Variants in TBC1D17 observed in about 807,000 individuals in gnomAD.
TBC1D17 encodes the protein TBC1 domain family member 17.
TBC1D17 carries 69 observed loss-of-function variants against 78.8 expected under a neutral mutation model. The ratio of observed to expected loss-of-function variants is 0.88; its 90% CI spans 0.72 to 1.07. TBC1D17 has a LOEUF of 1.07. Among genes scored for constraint, TBC1D17 ranks in the 50% least tolerant of loss-of-function variants. The probability of loss-of-function intolerance (pLI) is 0.00; values close to 1 mark genes in which losing one functional copy is unlikely to be tolerated. For missense variants in TBC1D17, 957 were observed against 861.0 expected (o/e 1.11, Z -1.39); for synonymous variants, 456 against 358.3 (o/e 1.27, Z -3.08).
In TBC1D17 at chr19:49,882,788, G is replaced by T; in HGVS notation, c.823G>T (p.Val275Leu). ...SCVELGPRPT[V>L]ERGPPVTEEE... ...GGTGGAGCTGGGGCCTCGGCCAACCGTGGAGCGGGGCCCTCCAGTTACAGA... is the reference window on the plus strand; with the variant it reads ...GGTGGAGCTGGGGCCTCGGCCAACCTTGGAGCGGGGCCCTCCAGTTACAGA... Residue 275 changes from valine (V) to leucine (L), a missense_variant, in exon 8 of 17, where the codon GTG (valine) becomes TTG (leucine). By Grantham distance (32) the Val-to-Leu change is conservative. Transcript: ENST00000221543. 6.3e-7 allele frequency: 1 copy of T among 1,592,400 alleles called. No homozygotes were observed. The highest frequency in any genetic ancestry group is 8.6e-7 in the Non-Finnish European group (1 of 1,169,496).
In TBC1D17 at chr19:49,887,516, G is replaced by A. The variant is rs1011262262; in HGVS notation, c.1485G>A (p.Trp495Ter). ...GCTCTCTCTGCTTCTGTTTCCGGTGGCTGCTCATCTGGTTCAAGAGGGAAT... is the reference window on the plus strand; with the variant it reads ...GCTCTCTCTGCTTCTGTTTCCGGTGACTGCTCATCTGGTTCAAGAGGGAAT... ...DSGSLCFCFR[W>*]LLIWFKREFP... The change falls in exon 14 of 17, where the codon TGG becomes TGA. Residue 495 changes from tryptophan to a stop codon, truncating the protein, a stop_gained. Coordinates refer to ENST00000221543, the MANE Select transcript of TBC1D17 (RefSeq NM_024682.3). LOFTEE classifies it high-confidence loss of function. The A allele has an allele frequency of 1.2e-6, 2 of 1,614,076 alleles. No individual in the cohort carries two copies. Among genetic ancestry groups the A allele is most frequent in the African/African-American group, 2.7e-5 (2 of 74,956 alleles).
At chr19:49,881,527 C>T (rs1420077928) in intron 5 of TBC1D17, 52 bp downstream of exon 5, 7 of 1,553,814 alleles carry the variant, frequency 4.5e-6, no homozygotes, top group Non-Finnish European at 6.1e-6. Context: ...CCCACCATGG[C>T]TGCAGCGTGA....
chr19:49,884,755 CTGGG>C lies in TBC1D17; in HGVS notation c.1443_1444+2del, dbSNP rs1346532393. 1.1e-5 allele frequency: 17 copies of C among 1,613,634 alleles called. No homozygotes were observed. Among genetic ancestry groups the C allele is most frequent in the Non-Finnish European group, 1.4e-5 (17 of 1,179,952 alleles). On this transcript the variant is annotated splice_donor_variant and coding_sequence_variant, in exon 13 of 17. Transcript: ENST00000221543. LOFTEE classifies it high-confidence loss of function. ...GCTGGACCCCCTGCTCTGCGACTTC[CTGGG>C]TATGTCTCTCGGGAGGGTGGGCAGG...
intron 3 of TBC1D17, chr19:49,879,207 G>T (rs141100313): frequency 1.3e-5 from 2 of 152,550 alleles, no homozygotes; most frequent in East Asian, 3.9e-4. Flanking sequence ...AGGACAAGAA[G>T]GTATTTCAGG....
intron 4 of TBC1D17, 23 bp downstream of exon 4, chr19:49,880,425 G>A: frequency 6.2e-7 from 1 of 1,611,700 alleles, no homozygotes; most frequent in Non-Finnish European, 8.5e-7. Context: ...GGCGGCCCTT[G>A]AGAAGCACGT....
chr19:49,878,308 G>A, intron 2 of TBC1D17, 67 bp downstream of exon 2: 3 of 1,451,690 alleles, frequency 2.1e-6, no homozygotes, highest in Admixed American at 2.0e-5. Context: ...GGATGCAGGC[G>A]GCAGCTGTAG....
At chr19:49,887,599 G>A (rs1383356213) in intron 14 of TBC1D17, 26 bp downstream of exon 14, 1 of 1,613,152 alleles carries the variant, frequency 6.2e-7, no homozygotes. Flanking sequence ...TGGGCGAGAG[G>A]CCTGAAGGGG....
chr19:49,881,597 AC>A, intron 5 of TBC1D17, 122 bp downstream of exon 5: 1 of 960,710 alleles, frequency 1.0e-6, no homozygotes, highest in Non-Finnish European at 1.5e-6. Flanking sequence ...CAAAGAGTTG[AC>A]CAGCACATAT....
At position 49,888,613 on chromosome 19, in the gene TBC1D17, G is replaced by A. The variant is rs1295942781; in HGVS notation, c.1936G>A (p.Ala646Thr). ...CCTGCCCGAGGAGGAGGACGAGGGC[G>A]CCGACTCCTAACCCCGCCAGGCAGC... ...EILPEEEDEGADS is the reference protein window; with the variant it reads ...EILPEEEDEGTDS The change falls in exon 17 of 17, where the codon GCC (alanine) becomes ACC (threonine). Residue 646 changes from alanine (A) to threonine (T), a missense_variant. Coordinates refer to ENST00000221543, the MANE Select transcript of TBC1D17 (RefSeq NM_024682.3). The A allele has an allele frequency of 1.3e-6, 2 of 1,535,020 alleles. No individual in the cohort carries two copies. The highest frequency in any genetic ancestry group is 2.5e-5 in the East Asian group (1 of 40,806).
At chr19:49,882,596 C>T (rs1600448294) in intron 7 of TBC1D17, among the ~76,000 whole-genome samples, 168 bp from the exon 8 acceptor site, 1 of 152,348 alleles carries the variant, frequency 6.6e-6, no homozygotes, top group Non-Finnish European at 1.5e-5. Context: ...GGGGACCCCT[C>T]CTAACTGGGG....
intron 4 of TBC1D17, 33 bp downstream of exon 4, chr19:49,880,435 T>A (rs777788461): frequency 1.2e-6 from 2 of 1,610,402 alleles, no homozygotes; most frequent in East Asian, 4.5e-5. Flanking sequence ...GAGAAGCACG[T>A]GTGGGCCAGG....
chr19:49,888,393 G>A (rs1568679903), intron 16 of TBC1D17, 31 bp from the exon 17 acceptor site: 3 of 1,291,030 alleles, frequency 2.3e-6, no homozygotes, highest in South Asian at 2.4e-5. Context: ...TTCACCTTCC[G>A]CTTTTCGCTT....
Position 49,887,843 on chromosome 19 carries a change from C to T in TBC1D17, c.1659+9C>T. The T allele has an allele frequency of 1.3e-6, 2 of 1,598,320 alleles. No individual in the cohort carries two copies. Among genetic ancestry groups the T allele is most frequent in the East Asian group, 2.2e-5 (1 of 44,546 alleles). On this transcript the variant is annotated intron_variant, in intron 15 of 16. Coordinates refer to ENST00000221543, the MANE Select transcript of TBC1D17 (RefSeq NM_024682.3). ...CCAATGAGATCCTCAAGGTGAGGCTCCGGCCCCGCCCCCGCCCTGTCCCCC... is the reference window on the plus strand; with the variant it reads ...CCAATGAGATCCTCAAGGTGAGGCTTCGGCCCCGCCCCCGCCCTGTCCCCC...
chr19:49,886,270 A>G (rs1362966245), intron 13 of TBC1D17, among the ~76,000 whole-genome samples: 1 of 152,206 alleles, frequency 6.6e-6, no homozygotes, highest in East Asian at 1.9e-4. Flanking sequence ...AAAAGAAAAA[A>G]GAAAGTTAAA....
Position 49,879,879 on chromosome 19 carries a change from AATTTG to A in TBC1D17, c.196-399_196-395del, listed in dbSNP as rs1339604834. ...TTTTTTTTTTTTTTTAATGAGACAGAATTTGCTCTTGTTGCCCAGGCTGGAGTGCA... is the reference window on the plus strand; with the variant it reads ...TTTTTTTTTTTTTTTAATGAGACAGACTCTTGTTGCCCAGGCTGGAGTGCA... On this transcript the variant is annotated intron_variant, in intron 3 of 16. Coordinates refer to ENST00000221543, the MANE Select transcript of TBC1D17 (RefSeq NM_024682.3). Among the ~76,000 whole-genome samples the A allele has an allele frequency of 2.8e-5, 4 of 145,160 alleles. No individual in the cohort carries two copies. The East Asian group carries it at 8.0e-4, about 29-fold the overall frequency.
At position 49,877,748 on chromosome 19, in the gene TBC1D17, A is replaced by G. The variant is rs892462860; in HGVS notation, c.21+4A>G. 1.9e-6 allele frequency: 3 copies of G among 1,593,726 alleles called. No homozygotes were observed. Among genetic ancestry groups the G allele is most frequent in the Middle Eastern group, 1.7e-4 (1 of 6,024 alleles). On this transcript the variant is annotated splice_donor_region_variant and intron_variant, in intron 1 of 16. Transcript: ENST00000221543. The stretch of plus-strand genomic sequence containing the variant: ...TATGGAAGGAGCCGGCTACAGGGTA[A>G]GCACTGAGGACGCATTCCCTCGCTT...
chr19:49,883,332 G>T (rs566980457), intron 9 of TBC1D17, among the ~76,000 whole-genome samples: 1 of 152,160 alleles, frequency 6.6e-6, no homozygotes, highest in Non-Finnish European at 1.5e-5. Context: ...AGGAGGGCCC[G>T]TCTCTCCTCA....
intron 1 of TBC1D17, 89 bp downstream of exon 1, chr19:49,877,833 G>C (rs993066035): frequency 6.8e-7 from 1 of 1,460,890 alleles, no homozygotes; most frequent in Non-Finnish European, 9.3e-7. Context: ...TGGCTCTCGA[G>C]AATCCGGCAC....
chr19:49,887,464 G>A lies in TBC1D17; in HGVS notation c.1445-12G>A. 1 of 1,613,184 alleles carries A rather than the reference G, an allele frequency of 6.2e-7. No individual in the cohort carries two copies. Among genetic ancestry groups the A allele is most frequent in the South Asian group, 1.1e-5 (1 of 90,798 alleles). ...CTGGGCAAGGCTGAGTGGGCTCCAT[G>A]TCATCCCCCAGATTCCCAGGACTCC... On this transcript the variant is annotated splice_polypyrimidine_tract_variant and intron_variant, in intron 13 of 16. Coordinates refer to ENST00000221543, the MANE Select transcript of TBC1D17 (RefSeq NM_024682.3).
Sources: allele counts gnomAD v4.1 joint callset (sites outside exome capture counted in the v4.1 genomes callset), GRCh38; gene constraint gnomAD v4.1.1; transcripts MANE v1.5; gene names NCBI Gene and HGNC (gene_info 2026-07-23, HGNC 2026-07-21).